KCNMA1: variants seen among roughly 807,000 people sequenced by gnomAD.
KCNMA1 encodes Calcium-activated potassium channel subunit alpha-1.
KCNMA1 carries 29 observed loss-of-function variants against 140.0 expected under a neutral mutation model. The ratio of observed to expected loss-of-function variants is 0.21; its 90% confidence interval spans 0.15 to 0.28. KCNMA1 has a LOEUF of 0.28. Ranked by LOEUF, KCNMA1 falls within the 10% of genes least tolerant of loss-of-function variation. KCNMA1 has a pLI of 1.00. For synonymous variants in KCNMA1, 612 were observed against 611.9 expected (o/e 1.00, Z 0.00); for missense variants, 880 against 1,602.2 (o/e 0.55, Z 7.70).
intron 2 of KCNMA1, among the ~76,000 whole-genome samples, chr10:77,401,604 T>C (rs1329373313): frequency 6.6e-6 from 1 of 152,250 alleles, no homozygotes; most frequent in Non-Finnish European, 1.5e-5. Context: ...TCTTCTCCTT[T>C]AACTCTCAAG....
rs577874878 is a variant in KCNMA1, at chr10:77,498,659, T to C, written c.379-94636A>G. ...TGCAAGATCCGAGAGTAGCATTCTATGGGCAATGAGGTGCACAGCAGAGGA... is the reference window on the plus strand; with the variant it reads ...TGCAAGATCCGAGAGTAGCATTCTACGGGCAATGAGGTGCACAGCAGAGGA... On this transcript the variant is annotated intron_variant, in intron 1 of 27. Coordinates refer to ENST00000286628, the MANE Select transcript of KCNMA1 (RefSeq NM_001161352.2). The C allele has an allele frequency of 2.0e-5, 3 of 152,346 alleles. No homozygotes were observed. In the South Asian group the frequency reaches 6.2e-4, roughly 32 times the overall value. 9.4% of individuals were successfully genotyped at this position (152,346 alleles called of 1,614,324 possible).
Position 76,905,753 on chromosome 10 carries a change from T to C in KCNMA1, c.3147+4213A>G, listed in dbSNP as rs775703525. Among the ~76,000 whole-genome samples the C allele has an allele frequency of 3.3e-5, 5 of 152,386 alleles. No individual in the cohort carries two copies. In the East Asian group the frequency reaches 9.6e-4, roughly 29 times the overall value. ...ATGTTCTTCAAATCAATTATCCTTA[T>C]GTGACACTATTCATTTATTCACTTA... On this transcript the variant is annotated intron_variant, in intron 25 of 27. Coordinates refer to ENST00000286628, the MANE Select transcript of KCNMA1 (RefSeq NM_001161352.2).
chr10:77,324,355 A>G (rs955935893), intron 2 of KCNMA1, among the ~76,000 whole-genome samples: 3 of 152,192 alleles, frequency 2.0e-5, no homozygotes, highest in African/African-American at 7.2e-5. Flanking sequence ...TATCCTAGTG[A>G]GAATTACATG....
intron 23 of KCNMA1, among the ~76,000 whole-genome samples, chr10:76,920,020 G>GTGTGTGTGTGTGTATATATATATA (rs1177257916): frequency 3.5e-4 from 12 of 34,414 alleles, no homozygotes; most frequent in African/African-American, 1.3e-3. Context: ...GTGTGTGTGT[G>GTGTGTGTGTGTGTATATATATATA]TATATATATA....
intron 3 of KCNMA1, among the ~76,000 whole-genome samples, chr10:77,192,952 A>G (rs1442699242): frequency 6.6e-6 from 1 of 152,204 alleles, no homozygotes; most frequent in African/African-American, 2.4e-5. Context: ...ACACAGTCTC[A>G]TAAATGCTAA....
intron 2 of KCNMA1, among the ~76,000 whole-genome samples, chr10:77,352,851 C>A (rs1176311049): frequency 6.6e-6 from 1 of 152,184 alleles, no homozygotes; most frequent in East Asian, 1.9e-4. Flanking sequence ...GATAGAGAAG[C>A]AACAAAAGTA....
chr10:77,039,317 C>T (rs1235684742), intron 15 of KCNMA1: 3 of 617,804 alleles, frequency 4.9e-6, no homozygotes, highest in Non-Finnish European at 8.7e-6. Flanking sequence ...ACTCTCAGGC[C>T]TGTCAAGAAA....
intron 9 of KCNMA1, among the ~76,000 whole-genome samples, chr10:77,101,890 G>A (rs1361652502): frequency 8.5e-5 from 13 of 152,204 alleles, no homozygotes; most frequent in African/African-American, 1.2e-4. Flanking sequence ...TCTCAAATCC[G>A]ATTCCCAAGT....
chr10:77,039,441 G>C, intron 15 of KCNMA1, 87 bp downstream of exon 15: 1 of 806,772 alleles, frequency 1.2e-6, no homozygotes, highest in Admixed American at 1.8e-5. Context: ...TGCTCCAACT[G>C]TACCCAGCAG....
At chr10:77,013,083 T>A (rs952930250) in intron 17 of KCNMA1, among the ~76,000 whole-genome samples, 6 of 152,210 alleles carry the variant, frequency 3.9e-5, no homozygotes, top group African/African-American at 1.4e-4. Flanking sequence ...GCTATGAACA[T>A]GGCCTTTTCT....
intron 1 of KCNMA1, among the ~76,000 whole-genome samples, chr10:77,458,610 T>A (rs1260889492): frequency 6.6e-6 from 1 of 152,232 alleles, no homozygotes; most frequent in East Asian, 1.9e-4. Flanking sequence ...CAATTTCATG[T>A]GGCTTACATG....
intron 2 of KCNMA1, among the ~76,000 whole-genome samples, chr10:77,274,979 T>C (rs1308234479): frequency 6.6e-6 from 1 of 152,192 alleles, no homozygotes; most frequent in Non-Finnish European, 1.5e-5. Context: ...TTGCCTCCTG[T>C]TGCCTCCTGC....
At chr10:77,384,144 T>C (rs2095523479) in intron 2 of KCNMA1, among the ~76,000 whole-genome samples, 1 of 152,186 alleles carries the variant, frequency 6.6e-6, no homozygotes, top group Admixed American at 6.5e-5. Context: ...CAATACAAGA[T>C]CTGAAGCCTA....
intron 26 of KCNMA1, 157 bp from the exon 27 acceptor site, chr10:76,889,726 G>T: frequency 1.4e-6 from 1 of 714,684 alleles, no homozygotes; most frequent in Non-Finnish European, 2.5e-6. Flanking sequence ...AAGTCAACAT[G>T]TTTAACAGAC....
chr10:77,224,511 C>A (rs1246946650), intron 3 of KCNMA1, among the ~76,000 whole-genome samples: 1 of 152,152 alleles, frequency 6.6e-6, no homozygotes, highest in Non-Finnish European at 1.5e-5. Context: ...AAGACCCAGC[C>A]CAGAGCTCAG....
At chr10:77,175,961 A>C (rs959759129) in intron 5 of KCNMA1, among the ~76,000 whole-genome samples, 1 of 152,222 alleles carries the variant, frequency 6.6e-6, no homozygotes, top group African/African-American at 2.4e-5. Context: ...AGGAAACTGA[A>C]ACCAGGCCAC....
At chr10:77,245,229 T>C (rs572093) in intron 3 of KCNMA1, among the ~76,000 whole-genome samples, 119,242 of 152,180 alleles carry the variant, frequency 0.78, 47,181 homozygotes, top group East Asian at 0.96. Context: ...AGGCTGTATT[T>C]CATAAAGGAA....
chr10:77,484,869 G>A (rs990882045), intron 1 of KCNMA1, among the ~76,000 whole-genome samples: 1 of 152,206 alleles, frequency 6.6e-6, no homozygotes, highest in Non-Finnish European at 1.5e-5. Flanking sequence ...TCACCCACAA[G>A]CTAATGTGAG....
chr10:77,027,719 T>A, intron 16 of KCNMA1, 104 bp downstream of exon 16: 1 of 927,748 alleles, frequency 1.1e-6, no homozygotes, highest in South Asian at 1.3e-5. Context: ...TCTGGTTCCA[T>A]GCAGATAAAT....
Sources: allele counts gnomAD v4.1 joint callset (sites outside exome capture counted in the v4.1 genomes callset), GRCh38; gene constraint gnomAD v4.1.1; transcripts MANE v1.5; gene names NCBI Gene and HGNC (gene_info 2026-07-23, HGNC 2026-07-21).